EXOC6: variants seen among roughly 807,000 people sequenced by gnomAD.
EXOC6 encodes exocyst complex component 6.
In EXOC6, 60 loss-of-function variants were observed where a neutral mutation model predicts 112.5. The observed-to-expected ratio is 0.53, with a 90% CI of 0.43 to 0.66. The LOEUF is 0.66. Ranked by LOEUF, EXOC6 falls within the 30% of genes least tolerant of loss-of-function variation. The pLI is 0.00. For missense variants in EXOC6, 855 were observed against 957.1 expected, an observed-to-expected ratio of 0.89 and a Z score of 1.41; for synonymous variants, 295 against 308.0, an observed-to-expected ratio of 0.96 and a Z score of 0.44.
At chr10:92,880,351 T>C (rs1328791605) in intron 1 of EXOC6, among the ~76,000 whole-genome samples, 1 of 152,230 alleles carries the variant, frequency 6.6e-6, no homozygotes. Context: ...CCACCCATTT[T>C]TTTTTTCCTT....
In EXOC6 at chr10:93,015,378, G is replaced by T. The variant is rs1229582742; in HGVS notation, c.2169+1111G>T. 2.6e-5 allele frequency among the ~76,000 whole-genome samples: 4 copies of T among 152,256 alleles called. No homozygotes were observed. In the East Asian group the frequency reaches 7.7e-4, roughly 29 times the overall value. On this transcript the variant is annotated intron_variant, in intron 20 of 21. Transcript: ENST00000260762. The stretch of plus-strand genomic sequence containing the variant: ...TGAAATAAATATAAAAGTAATATAA[G>T]AAATAGTTTTATCCTGATGGAGCTT...
intron 17 of EXOC6, among the ~76,000 whole-genome samples, chr10:92,963,666 T>A (rs1854144700): frequency 1.3e-5 from 2 of 152,120 alleles, no homozygotes; most frequent in African/African-American, 4.8e-5. Context: ...TTTTTAAAAT[T>A]TATTTTTTGT....
chr10:92,926,053 A>T (rs866459676), intron 8 of EXOC6, among the ~76,000 whole-genome samples: 105 of 73,670 alleles, frequency 1.4e-3, no homozygotes, highest in Middle Eastern at 6.6e-3. Flanking sequence ...TGGACTTTTT[A>T]AAAAAAAAAA....
intron 17 of EXOC6, among the ~76,000 whole-genome samples, chr10:92,970,641 T>TA (rs1709995306): frequency 6.6e-6 from 1 of 152,254 alleles, no homozygotes; most frequent in African/African-American, 2.4e-5. Context: ...TGTTTATTTT[T>TA]ACTTTCTTCT....
intron 19 of EXOC6, among the ~76,000 whole-genome samples, chr10:93,012,840 G>A (rs1000286939): frequency 6.6e-6 from 1 of 152,008 alleles, no homozygotes; most frequent in African/African-American, 2.4e-5. Flanking sequence ...AGCCCAGCCT[G>A]TGCCACATAG....
intron 9 of EXOC6, among the ~76,000 whole-genome samples, 174 bp from the exon 10 acceptor site, chr10:92,933,970 C>A (rs984598425): frequency 6.6e-6 from 1 of 152,076 alleles, no homozygotes; most frequent in Non-Finnish European, 1.5e-5. Flanking sequence ...ATGTACGTTC[C>A]ATGAGAGTAA....
chr10:92,935,081 A>C (rs1852271067), intron 11 of EXOC6, among the ~76,000 whole-genome samples: 1 of 151,848 alleles, frequency 6.6e-6, no homozygotes, highest in Non-Finnish European at 1.5e-5. Context: ...TTTATAATTG[A>C]TCATTGAGAT....
chr10:92,893,554 C>A (rs777870455), intron 2 of EXOC6, 34 bp downstream of exon 2: 5 of 1,542,084 alleles, frequency 3.2e-6, no homozygotes, highest in East Asian at 4.5e-5. Context: ...TGCCTTTGTT[C>A]TCATTAAATT....
At chr10:92,918,077 T>C (rs910787960) in intron 7 of EXOC6, among the ~76,000 whole-genome samples, 1 of 152,074 alleles carries the variant, frequency 6.6e-6, no homozygotes, top group Admixed American at 6.6e-5. Flanking sequence ...CCAGAGGAGG[T>C]TGAGGATGCA....
At chr10:92,848,664 C>T (rs1346664427) in intron 1 of EXOC6, 30 bp downstream of exon 1, 9 of 1,314,452 alleles carry the variant, frequency 6.8e-6, no homozygotes, top group East Asian at 8.7e-5. Context: ...GGGACTTCGG[C>T]CCCCCGCCCC....
At chr10:92,990,042 G>A (rs373627710) in intron 18 of EXOC6, among the ~76,000 whole-genome samples, 8 of 152,036 alleles carry the variant, frequency 5.3e-5, no homozygotes, top group East Asian at 1.9e-4. Flanking sequence ...ATATATCCCT[G>A]TATTGGAAAG....
At chr10:93,012,529 T>G (rs1844295980) in intron 19 of EXOC6, among the ~76,000 whole-genome samples, 1 of 152,206 alleles carries the variant, frequency 6.6e-6, no homozygotes, top group Non-Finnish European at 1.5e-5. Flanking sequence ...AAGCAAAAAT[T>G]ATACAACAGC....
At chr10:93,021,275 G>A (rs1241865459) in intron 20 of EXOC6, among the ~76,000 whole-genome samples, 3 of 152,020 alleles carry the variant, frequency 2.0e-5, no homozygotes, top group Admixed American at 6.6e-5. Context: ...GAAGCCGGGT[G>A]TCAAGACCAG....
chr10:93,017,483 G>C (rs1377306035), intron 20 of EXOC6, among the ~76,000 whole-genome samples: 1 of 152,000 alleles, frequency 6.6e-6, no homozygotes, highest in Non-Finnish European at 1.5e-5. Flanking sequence ...CAGCTACTTG[G>C]GGGGCTGCGG....
intron 4 of EXOC6, among the ~76,000 whole-genome samples, chr10:92,895,336 G>A (rs912528514): frequency 6.6e-6 from 1 of 152,132 alleles, no homozygotes; most frequent in African/African-American, 2.4e-5. Flanking sequence ...TTCCCATGGG[G>A]AGAGTCTTTT....
At chr10:93,009,323 A>G (rs113549382) in intron 19 of EXOC6, among the ~76,000 whole-genome samples, 2 of 152,240 alleles carry the variant, frequency 1.3e-5, no homozygotes, top group Non-Finnish European at 1.5e-5. Context: ...AACAAGCTAC[A>G]TAATATATCA....
At chr10:92,977,186 C>G (rs540017516) in intron 18 of EXOC6, among the ~76,000 whole-genome samples, 1 of 152,034 alleles carries the variant, frequency 6.6e-6, no homozygotes, top group Non-Finnish European at 1.5e-5. Context: ...GCTTAGTGTT[C>G]CAATAATGGA....
In EXOC6 at chr10:92,935,280, T is replaced by A. The variant is rs1852280178; in HGVS notation, c.1141-534T>A. Reference sequence around the variant, plus strand: ...CAGATCAGCTCTGAATATATAAAATTAAAGTATATTTCCTGTTAATTCCAT... The same window carrying A: ...CAGATCAGCTCTGAATATATAAAATAAAAGTATATTTCCTGTTAATTCCAT... On this transcript the variant is annotated intron_variant, in intron 11 of 21. Coordinates refer to ENST00000260762, the MANE Select transcript of EXOC6 (RefSeq NM_019053.6). Among the ~76,000 whole-genome samples the A allele has an allele frequency of 2.6e-5, 4 of 151,956 alleles. No individual in the cohort carries two copies. The South Asian group carries it at 8.3e-4, about 31-fold the overall frequency.
intron 18 of EXOC6, among the ~76,000 whole-genome samples, chr10:92,976,362 AC>A (rs1358124587): frequency 1.3e-5 from 2 of 152,092 alleles, no homozygotes; most frequent in Non-Finnish European, 2.9e-5. Context: ...CTGTGACCTT[AC>A]CCCCAACCCT....
Sources: allele counts gnomAD v4.1 joint callset (sites outside exome capture counted in the v4.1 genomes callset), GRCh38; gene constraint gnomAD v4.1.1; transcripts MANE v1.5; gene names NCBI Gene and HGNC (gene_info 2026-07-23, HGNC 2026-07-21).